Variants in ZFP14 observed in about 807,000 individuals in gnomAD.
ZFP14 encodes the protein ZFP14 zinc finger protein.
A neutral mutation model predicts 54.5 loss-of-function variants in ZFP14; 22 were observed. That is an observed-to-expected ratio of 0.40 (90% CI 0.29 to 0.58). ZFP14 has a LOEUF of 0.58. Among genes scored for constraint, ZFP14 ranks in the 20% least tolerant of loss-of-function variants. The pLI, the probability that ZFP14 is intolerant of heterozygous loss-of-function variation, is 0.39. For missense variants in ZFP14, 470 were observed against 637.8 expected (o/e 0.74, Z 2.83); for synonymous variants, 159 against 204.0 (o/e 0.78, Z 1.88).
At chr19:36,354,379 A>G (rs1568468827) in intron 4 of ZFP14, among the ~76,000 whole-genome samples, 1 of 139,840 alleles carries the variant, frequency 7.2e-6, no homozygotes, top group Non-Finnish European at 1.6e-5. Flanking sequence ...TCAAAAAAAA[A>G]AAAAAAAAGT....
In ZFP14 at chr19:36,341,346, A is replaced by C. The variant is rs1444816370; in HGVS notation, c.480T>G (p.Thr160=). The C allele has an allele frequency of 1.2e-6, 2 of 1,614,188 alleles. No individual in the cohort carries two copies. Among genetic ancestry groups the C allele is most frequent in the Admixed American group, 1.7e-5 (1 of 60,028 alleles). The part of the protein sequence containing the change: ...MTTYKRHNFL[T]EYQIVHNGEK... Reference sequence around the variant, plus strand: ...CTCCATTATGAACGATCTGATACTCAGTAAGAAAATTGTGCCTTTTGTAAG... The same window carrying C: ...CTCCATTATGAACGATCTGATACTCCGTAAGAAAATTGTGCCTTTTGTAAG... Residue 160 remains threonine (T), a synonymous_variant, in exon 5 of 5, where the codon ACT becomes ACG. Coordinates refer to ENST00000270001, the MANE Select transcript of ZFP14 (RefSeq NM_020917.3). This position sits in a 1 kb window ranked among gnomAD's most constrained non-coding sequence, Gnocchi z 4.2.
At position 36,335,736 on chromosome 19, in the gene ZFP14, T is replaced by A. The variant is rs1053332708; in HGVS notation, c.*4488A>T. 4 of 152,148 alleles carry A rather than the reference T, an allele frequency of 2.6e-5. No homozygotes were observed. The highest frequency in any genetic ancestry group is 5.9e-5 in the Non-Finnish European group (4 of 68,034). 9.4% of individuals were successfully genotyped at this position (152,148 alleles called of 1,614,324 possible). On this transcript the variant is annotated 3_prime_UTR_variant, in exon 5 of 5. Coordinates refer to ENST00000270001, the MANE Select transcript of ZFP14 (RefSeq NM_020917.3). ...TGTGTGCATGTATAGTTTTACCATATTATGTTTATTATTTTTGAGACAGGT... is the reference window on the plus strand; with the variant it reads ...TGTGTGCATGTATAGTTTTACCATAATATGTTTATTATTTTTGAGACAGGT...
intron 1 of ZFP14, among the ~76,000 whole-genome samples, chr19:36,375,490 C>A (rs1201336146): frequency 1.3e-5 from 2 of 151,212 alleles, no homozygotes; most frequent in Admixed American, 1.3e-4. Context: ...TGGGTTCAAG[C>A]GATTCTCCTG....
rs569455164 is a variant in ZFP14 at position 36,337,111 on chromosome 19, C to G, written c.*3113G>C. The G allele has an allele frequency of 6.6e-6, 1 of 152,244 alleles. No homozygotes were observed. The highest frequency in any genetic ancestry group is 2.1e-4 in the South Asian group (1 of 4,822). The allele number at this position is 152,244 out of a possible 1,614,324, so 9.4% of individuals were successfully genotyped here. A position where few individuals can be genotyped will look rare whatever the true frequency, so the allele number is the denominator to read the frequency against. On this transcript the variant is annotated 3_prime_UTR_variant, in exon 5 of 5. Transcript: ENST00000270001. ...ATATCATTTAATATTTAGTCCATGT[C>G]CACACTTCCCTCACTGTCTCCAAAA... is the stretch of plus-strand genomic sequence containing the variant.
chr19:36,370,696 A>G (rs375047818), intron 1 of ZFP14, among the ~76,000 whole-genome samples: 1 of 152,358 alleles, frequency 6.6e-6, no homozygotes, highest in African/African-American at 2.4e-5. Context: ...CTTTTGGAGC[A>G]TCCCAGCACT....
chr19:36,364,265 G>A (rs536432110), intron 2 of ZFP14, among the ~76,000 whole-genome samples: 3 of 152,276 alleles, frequency 2.0e-5, no homozygotes, highest in Non-Finnish European at 4.4e-5. Flanking sequence ...TATATTCAGA[G>A]CCTGAGAGAG....
chr19:36,376,049 CA>C (rs1015537700), intron 1 of ZFP14, among the ~76,000 whole-genome samples: 3 of 151,810 alleles, frequency 2.0e-5, no homozygotes, highest in Non-Finnish European at 4.4e-5. Flanking sequence ...TTGTAATTAC[CA>C]ATATATGCTT....
In ZFP14 at chr19:36,350,744, T is replaced by C. The variant is rs1239467552; in HGVS notation, c.236-9154A>G. Among the ~76,000 whole-genome samples the C allele has an allele frequency of 5.0e-5, 7 of 141,362 alleles. 2 individuals carry two copies. Among genetic ancestry groups the C allele is most frequent in the African/African-American group, 1.8e-4 (7 of 38,530 alleles). 92.7% of individuals were successfully genotyped at this position (141,362 alleles called of 152,430 possible). Reference sequence around the variant, plus strand: ...CAATATAAAATTAGGCACACCACAGTAATCTGTTAAAAAAAAATCCAAAAG... The same window carrying C: ...CAATATAAAATTAGGCACACCACAGCAATCTGTTAAAAAAAAATCCAAAAG... On this transcript the variant is annotated intron_variant, in intron 4 of 4. Transcript: ENST00000270001.
At chr19:36,346,267 C>T (rs1398967509) in intron 4 of ZFP14, among the ~76,000 whole-genome samples, 1 of 151,966 alleles carries the variant, frequency 6.6e-6, no homozygotes, top group African/African-American at 2.4e-5. Flanking sequence ...GACAGAGCGA[C>T]AACCTGTCTC....
intron 1 of ZFP14, among the ~76,000 whole-genome samples, chr19:36,370,630 G>C (rs1209341983): frequency 2.0e-5 from 3 of 152,250 alleles, no homozygotes; most frequent in Non-Finnish European, 2.9e-5. Flanking sequence ...GCACCAGCCA[G>C]AGTGGCCCTG....
At position 36,341,191 on chromosome 19, in the gene ZFP14, C is replaced by T. The variant is rs761349774; in HGVS notation, c.635G>A (p.Arg212His). 2.7e-5 allele frequency: 43 copies of T among 1,613,976 alleles called. No individual in the cohort carries two copies. The highest frequency in any genetic ancestry group is 4.4e-5 in the South Asian group (4 of 91,068). ...CKECGQAFRQ[R>H]AHLIRHHKLH... is the part of the protein sequence containing the mutation. Reference sequence around the variant, plus strand: ...TTTGTGATGTCGAATAAGATGTGCACGCTGTCTAAAGGCCTGCCCACATTC... The same window carrying T: ...TTTGTGATGTCGAATAAGATGTGCATGCTGTCTAAAGGCCTGCCCACATTC... Residue 212 changes from arginine to histidine, a missense_variant, in exon 5 of 5, where the codon CGT (arginine) becomes CAT (histidine). Arg to His is a conservative substitution (Grantham distance 29). Transcript: ENST00000270001. This position sits in a 1 kb window ranked among gnomAD's most constrained non-coding sequence, Gnocchi z 4.2.
chr19:36,361,893 A>T (rs1228665657), intron 3 of ZFP14, among the ~76,000 whole-genome samples: 1 of 152,188 alleles, frequency 6.6e-6, no homozygotes, highest in Non-Finnish European at 1.5e-5. Flanking sequence ...ATTCAAATCC[A>T]TCCCCTTGGA....
chr19:36,343,798 TG>T (rs1349475664), intron 4 of ZFP14, among the ~76,000 whole-genome samples: 1 of 152,004 alleles, frequency 6.6e-6, no homozygotes, highest in Non-Finnish European at 1.5e-5. Context: ...CAATGGGTAA[TG>T]GGGGCTGAGT....
Position 36,355,149 on chromosome 19 carries a change from T to A in ZFP14, c.235+5286A>T, listed in dbSNP as rs886910753. Among the ~76,000 whole-genome samples the A allele has an allele frequency of 4.9e-5, 7 of 143,694 alleles. 2 individuals are homozygous for A. Among genetic ancestry groups the A allele is most frequent in the Non-Finnish European group, 1.1e-4 (7 of 64,638 alleles). 94.3% of individuals were successfully genotyped at this position (143,694 alleles called of 152,430 possible). A position where few individuals can be genotyped will look rare whatever the true frequency, so the allele number is the denominator to read the frequency against. On this transcript the variant is annotated intron_variant, in intron 4 of 4. Transcript: ENST00000270001. ...ACCTAGTTCCAACTAGGCACTCAAGTATTTGCCAAATAAATAAAGGAATAT... is the reference window on the plus strand; with the variant it reads ...ACCTAGTTCCAACTAGGCACTCAAGAATTTGCCAAATAAATAAAGGAATAT...
intron 2 of ZFP14, among the ~76,000 whole-genome samples, chr19:36,367,008 G>C (rs2145559947): frequency 6.6e-6 from 1 of 152,048 alleles, no homozygotes; most frequent in South Asian, 2.1e-4. Context: ...GCAAAAATTA[G>C]CCAGGTATGG....
chr19:36,352,656 T>C (rs1316365086), intron 4 of ZFP14, among the ~76,000 whole-genome samples: 3 of 141,882 alleles, frequency 2.1e-5, no homozygotes, highest in African/African-American at 7.8e-5. Context: ...AAATTAGCCA[T>C]GTGGGCTGGG....
chr19:36,364,137 A>G (rs1279117346), intron 2 of ZFP14, among the ~76,000 whole-genome samples: 1 of 152,178 alleles, frequency 6.6e-6, no homozygotes, highest in African/African-American at 2.4e-5. Flanking sequence ...TTGCAGTCCT[A>G]TTCTGATCAC....
intron 2 of ZFP14, among the ~76,000 whole-genome samples, chr19:36,365,020 T>TTTG (rs2031772212): frequency 8.2e-6 from 1 of 121,594 alleles, no homozygotes; most frequent in African/African-American, 3.5e-5. Context: ...TTTTTTTTTT[T>TTTG]TTTGACAGGG....
chr19:36,337,473 T>C lies in ZFP14; in HGVS notation c.*2751A>G, dbSNP rs546447696. Reference sequence around the variant, plus strand: ...AAATACAGTATAACAACTATTTACATAGTATTTACATTGTGATAGGTATAA... The same window carrying C: ...AAATACAGTATAACAACTATTTACACAGTATTTACATTGTGATAGGTATAA... On this transcript the variant is annotated 3_prime_UTR_variant, in exon 5 of 5. Transcript: ENST00000270001. 1.3e-5 allele frequency: 2 copies of C among 152,318 alleles called. No individual in the cohort carries two copies. The highest frequency in any genetic ancestry group is 3.9e-4 in the East Asian group (2 of 5,186). 9.4% of individuals were successfully genotyped at this position (152,318 alleles called of 1,614,324 possible).
Sources: gnomAD v4.1 joint callset for allele counts (sites outside exome capture counted in the v4.1 genomes callset) on GRCh38, gnomAD v4.1.1 for gene constraint, Gnocchi (gnomAD v3.1) non-coding constraint, MANE v1.5 for transcripts, NCBI Gene and HGNC (gene_info 2026-07-23, HGNC 2026-07-21) for gene names.